The following SUPT20HL1 variants were observed in gnomAD, a reference collection of about 807,000 sequenced individuals.
The protein encoded by SUPT20HL1 is SUPT20H like 1.
For synonymous variants in SUPT20HL1, 133 were observed against 79.2 expected (o/e 1.68, Z -3.61); for missense variants, 277 against 200.3 (o/e 1.38, Z -2.31).
rs964096217 is a variant in SUPT20HL1 at position 24,364,658 on chromosome X, C to T, written c.1898C>T (p.Pro633Leu). The T allele has an allele frequency of 2.1e-6, 1 of 473,328 alleles. No homozygotes were observed. Among genetic ancestry groups the T allele is most frequent in the African/African-American group, 2.3e-5 (1 of 42,907 alleles). 39.0% of individuals were successfully genotyped at this position (473,328 alleles called of 1,213,427 possible). The change falls in exon 1 of 1, where the codon CCT (proline) becomes CTT (leucine). Residue 633 changes from proline (P) to leucine (L), a missense_variant. By Grantham distance (98) the Pro-to-Leu change is moderately conservative. Transcript: ENST00000686983. Reference sequence around the variant, plus strand: ...AGCAGTTTCAAGCCTGTGCAGGCCCCTGGCTCGGGTGCCCCCGCTCCTGCA... The same window carrying T: ...AGCAGTTTCAAGCCTGTGCAGGCCCTTGGCTCGGGTGCCCCCGCTCCTGCA... ...LGSSFKPVQAPGSGAPAPAGI... is the reference protein window; with the variant it reads ...LGSSFKPVQALGSGAPAPAGI...
At position 24,361,380 on chromosome X, in the gene SUPT20HL1, AG is replaced by A. The variant is rs1184253775; in HGVS notation, c.-1377del. 8.9e-6 allele frequency among the ~76,000 whole-genome samples: 1 copy of A among 112,035 alleles called. No homozygotes were observed. The highest frequency in any genetic ancestry group is 1.9e-5 in the Non-Finnish European group (1 of 53,218). ...TGCACCCTGGGATATCAGCGGAGGG[AG>A]GGGCAGAATTTAGATCACACTCATG... On this transcript the variant is annotated 5_prime_UTR_variant, in exon 1 of 1. An upstream open reading frame in the 5' UTR loses its in-frame stop. Transcript: ENST00000686983.
rs935856190 is a variant in SUPT20HL1, at chrX:24,364,385, C to T, written c.1625C>T (p.Ala542Val). Reference protein sequence around the residue: ...AAAAPALAAAAAPAPAPAAAP... With the variant: ...AAAAPALAAAVAPAPAPAAAP... Reference sequence around the variant, plus strand: ...GCTGCTCCTGCTCTAGCTGCTGCTGCTGCTCCTGCTCCTGCTCCTGCCGCT... The same window carrying T: ...GCTGCTCCTGCTCTAGCTGCTGCTGTTGCTCCTGCTCCTGCTCCTGCCGCT... Residue 542 changes from alanine (A) to valine (V), a missense_variant, in exon 1 of 1, where the codon GCT becomes GTT. By Grantham distance (64) the Ala-to-Val change is moderately conservative. Transcript: ENST00000686983. The T allele has an allele frequency of 6.8e-6, 4 of 591,790 alleles. No individual in the cohort carries two copies. Among genetic ancestry groups the T allele is most frequent in the Admixed American group, 2.7e-5 (1 of 36,543 alleles). 48.8% of individuals were successfully genotyped at this position (591,790 alleles called of 1,213,427 possible).
rs1188596466 is a variant in SUPT20HL1, at chrX:24,362,047, T to C, written c.-714T>C. Among the ~76,000 whole-genome samples the C allele has an allele frequency of 6.2e-5, 7 of 112,594 alleles. No homozygotes were observed. The highest frequency in any genetic ancestry group is 9.4e-5 in the Non-Finnish European group (5 of 53,295). On this transcript the variant is annotated 5_prime_UTR_variant, in exon 1 of 1. Coordinates refer to ENST00000686983, the MANE Select transcript of SUPT20HL1 (RefSeq NM_001136234.3). The stretch of plus-strand genomic sequence containing the variant: ...ACAATTGTTGAAGTTTCCACCAAGA[T>C]CAGTGACAACTTCCCATGATTTCCC...
rs1310576539 is a variant in SUPT20HL1, at chrX:24,367,697, A to G, written c.*2273A>G. 1.8e-5 allele frequency among the ~76,000 whole-genome samples: 2 copies of G among 112,217 alleles called. No homozygotes were observed. Among genetic ancestry groups the G allele is most frequent in the Non-Finnish European group, 3.8e-5 (2 of 53,234 alleles). Reference sequence around the variant, plus strand: ...TGCCAACTAGAGACCTGAACTCAGAATATCATCAGATTTGGTCTACTTCCT... The same window carrying G: ...TGCCAACTAGAGACCTGAACTCAGAGTATCATCAGATTTGGTCTACTTCCT... On this transcript the variant is annotated 3_prime_UTR_variant, in exon 1 of 1. Coordinates refer to ENST00000686983, the MANE Select transcript of SUPT20HL1 (RefSeq NM_001136234.3).
chrX:24,365,492 A>T lies in SUPT20HL1; in HGVS notation c.*68A>T. ...TGACTCAAATGATTTCCCAGTTTTT[A>T]CTTGAGTTTTGTTTTTTTTTTCATG... On this transcript the variant is annotated 3_prime_UTR_variant, in exon 1 of 1. Transcript: ENST00000686983. The T allele has an allele frequency of 3.2e-6, 1 of 317,363 alleles. No homozygotes were observed. The highest frequency in any genetic ancestry group is 3.1e-5 in the South Asian group (1 of 32,319). 26.2% of individuals were successfully genotyped at this position (317,363 alleles called of 1,213,427 possible). A position where few individuals can be genotyped will look rare whatever the true frequency, so the allele number is the denominator to read the frequency against.
At position 24,366,664 on chromosome X, in the gene SUPT20HL1, C is replaced by A. The variant is rs1299772841; in HGVS notation, c.*1240C>A. Among the ~76,000 whole-genome samples the A allele has an allele frequency of 1.0e-5, 1 of 98,838 alleles. No homozygotes were observed. Among genetic ancestry groups the A allele is most frequent in the Middle Eastern group, 4.4e-3 (1 of 225 alleles). The allele number at this position is 98,838 out of a possible 115,157, so 85.8% of individuals were successfully genotyped here. ...CTGTAGCCTTGTTTCTTAAGTAGAA[C>A]CCCCGTCTTTTTCTTTGTCTTTTTC... On this transcript the variant is annotated 3_prime_UTR_variant, in exon 1 of 1. Transcript: ENST00000686983.
rs1799533 is a variant in SUPT20HL1, at chrX:24,362,627, A to G, written c.-134A>G. Reference sequence around the variant, plus strand: ...TCCCTGGGGGCGGGTTTCTGGGCAGATGCCCACGTTGAACTCAGTGTGGAC... The same window carrying G: ...TCCCTGGGGGCGGGTTTCTGGGCAGGTGCCCACGTTGAACTCAGTGTGGAC... On this transcript the variant is annotated 5_prime_UTR_variant, in exon 1 of 1. An upstream start codon of the reference 5' UTR is lost. Coordinates refer to ENST00000686983, the MANE Select transcript of SUPT20HL1 (RefSeq NM_001136234.3). 104 of 370,099 alleles carry G rather than the reference A, an allele frequency of 2.8e-4. 1 individual carries two copies. The highest frequency in any genetic ancestry group is 2.1e-3 in the East Asian group (28 of 13,077). 30.5% of individuals were successfully genotyped at this position (370,099 alleles called of 1,213,427 possible). A position where few individuals can be genotyped will look rare whatever the true frequency, so the allele number is the denominator to read the frequency against.
chrX:24,365,367 A>G lies in SUPT20HL1; in HGVS notation c.2607A>G (p.Val869=), dbSNP rs369726215. The part of the protein sequence containing the change: ...QIVQPHPGVQ[V]GSQLVDQRKE... ...TGCAGCCACATCCAGGTGTGCAAGT[A>G]GGGAGCCAGTTGGTAGATCAGAGGA... The change falls in exon 1 of 1, where the codon GTA becomes GTG. Residue 869 remains valine, a synonymous_variant. Coordinates refer to ENST00000686983, the MANE Select transcript of SUPT20HL1 (RefSeq NM_001136234.3). The G allele has an allele frequency of 3.9e-5, 15 of 385,936 alleles. No homozygotes were observed. The highest frequency in any genetic ancestry group is 6.8e-5 in the Non-Finnish European group (13 of 192,469). The allele number at this position is 385,936 out of a possible 1,213,427, so 31.8% of individuals were successfully genotyped here. A position where few individuals can be genotyped will look rare whatever the true frequency, so the allele number is the denominator to read the frequency against.
chrX:24,364,745 C>T lies in SUPT20HL1; in HGVS notation c.1985C>T (p.Ala662Val). ...GGPLPDARPG[A>V]VQASSPAPLQ... is the part of the protein sequence containing the mutation. ...CCACTACCAGATGCAAGGCCCGGTG[C>T]AGTGCAGGCATCTTCTCCAGCACCC... The change falls in exon 1 of 1, where the codon GCA (alanine) becomes GTA (valine). Residue 662 changes from alanine to valine, a missense_variant. By Grantham distance (64) the Ala-to-Val change is moderately conservative (BLOSUM62 0). Transcript: ENST00000686983. The T allele has an allele frequency of 2.5e-6, 1 of 404,166 alleles. No individual in the cohort carries two copies. The allele number at this position is 404,166 out of a possible 1,213,427, so 33.3% of individuals were successfully genotyped here.
At position 24,360,758 on chromosome X, in the gene SUPT20HL1, T is replaced by C. The variant is rs972103419; in HGVS notation, c.-2003T>C. On this transcript the variant is annotated 5_prime_UTR_variant, in exon 1 of 1. Transcript: ENST00000686983. The stretch of plus-strand genomic sequence containing the variant: ...CCCAGATGTATTACATAGCACATTA[T>C]CTACATCGATAAGAATGAATGGCTG... Among the ~76,000 whole-genome samples the C allele has an allele frequency of 6.2e-5, 7 of 112,358 alleles. No individual in the cohort carries two copies. The highest frequency in any genetic ancestry group is 9.4e-5 in the Non-Finnish European group (5 of 53,283).
rs757834729 is a variant in SUPT20HL1, at chrX:24,367,213, G to A, written c.*1789G>A. Reference sequence around the variant, plus strand: ...TGTAGCAGATTTTGTACATTCATCCGATGATAGACAGTTGGTTTTTGTCTG... The same window carrying A: ...TGTAGCAGATTTTGTACATTCATCCAATGATAGACAGTTGGTTTTTGTCTG... On this transcript the variant is annotated 3_prime_UTR_variant, in exon 1 of 1. Coordinates refer to ENST00000686983, the MANE Select transcript of SUPT20HL1 (RefSeq NM_001136234.3). 8.9e-6 allele frequency among the ~76,000 whole-genome samples: 1 copy of A among 112,469 alleles called. No homozygotes were observed. Among genetic ancestry groups the A allele is most frequent in the East Asian group, 2.8e-4 (1 of 3,609 alleles).
In SUPT20HL1 at chrX:24,365,256, G is replaced by A. The variant is rs1441567375; in HGVS notation, c.2496G>A (p.Gln832=). 1 of 382,252 alleles carries A rather than the reference G, an allele frequency of 2.6e-6. No homozygotes were observed. Among genetic ancestry groups the A allele is most frequent in the Non-Finnish European group, 5.2e-6 (1 of 190,632 alleles). The allele number at this position is 382,252 out of a possible 1,213,427, so 31.5% of individuals were successfully genotyped here. A position where few individuals can be genotyped will look rare whatever the true frequency, so the allele number is the denominator to read the frequency against. Reference sequence around the variant, plus strand: ...AGACTCAGCAGTTGAGAGTCTTGCAGCAGCCGCAGCATATCCAGCTCCAGA... The same window carrying A: ...AGACTCAGCAGTTGAGAGTCTTGCAACAGCCGCAGCATATCCAGCTCCAGA... ...QLQTQQLRVL[Q]QPQHIQLQTQ... Residue 832 remains glutamine, a synonymous_variant, in exon 1 of 1, where the codon CAG becomes CAA. Coordinates refer to ENST00000686983, the MANE Select transcript of SUPT20HL1 (RefSeq NM_001136234.3).
rs756040399 is a variant in SUPT20HL1, at chrX:24,364,962, G to C, written c.2202G>C (p.Thr734=). 4 of 384,567 alleles carry C rather than the reference G, an allele frequency of 1.0e-5. No individual in the cohort carries two copies. Among genetic ancestry groups the C allele is most frequent in the African/African-American group, 2.6e-5 (1 of 39,213 alleles). 31.7% of individuals were successfully genotyped at this position (384,567 alleles called of 1,213,427 possible). A position where few individuals can be genotyped will look rare whatever the true frequency, so the allele number is the denominator to read the frequency against. Reference sequence around the variant, plus strand: ...AGGGTTCCGCACTAGGTTTGAGCACGCAAGGGCAGGCCTTCCCTGCTCAGC... The same window carrying C: ...AGGGTTCCGCACTAGGTTTGAGCACCCAAGGGCAGGCCTTCCCTGCTCAGC... ...GPQGSALGLS[T]QGQAFPAQQL... The change falls in exon 1 of 1, where the codon ACG becomes ACC. Residue 734 remains threonine (T), a synonymous_variant. Transcript: ENST00000686983.
chrX:24,361,481 CCAAA>C lies in SUPT20HL1; in HGVS notation c.-1274_-1271del, dbSNP rs1433159313. ...ATCTTGTCCAATAAAACAAACAAAA[CCAAA>C]CAAACTGGGAGATTTCAAGGCAACA... On this transcript the variant is annotated 5_prime_UTR_variant, in exon 1 of 1. Coordinates refer to ENST00000686983, the MANE Select transcript of SUPT20HL1 (RefSeq NM_001136234.3). Among the ~76,000 whole-genome samples the C allele has an allele frequency of 1.8e-5, 2 of 112,050 alleles. No homozygotes were observed. Among genetic ancestry groups the C allele is most frequent in the African/African-American group, 6.5e-5 (2 of 30,778 alleles).
At position 24,366,262 on chromosome X, in the gene SUPT20HL1, A is replaced by C. The variant is rs1939483982; in HGVS notation, c.*838A>C. On this transcript the variant is annotated 3_prime_UTR_variant, in exon 1 of 1. Transcript: ENST00000686983. ...ACCTCTTTCAGAAGAATTCTGAAAG[A>C]GTGTAATCGTATTTAGATTAATAGG... Among the ~76,000 whole-genome samples the C allele has an allele frequency of 8.9e-6, 1 of 112,294 alleles. No individual in the cohort carries two copies. The highest frequency in any genetic ancestry group is 1.9e-5 in the Non-Finnish European group (1 of 53,245).
rs1939429189 is a variant in SUPT20HL1 at position 24,361,871 on chromosome X, ACG to A, written c.-889_-888del. Among the ~76,000 whole-genome samples the A allele has an allele frequency of 8.9e-6, 1 of 112,112 alleles. No homozygotes were observed. The highest frequency in any genetic ancestry group is 3.2e-5 in the African/African-American group (1 of 30,845). On this transcript the variant is annotated 5_prime_UTR_variant, in exon 1 of 1. An upstream open reading frame in the 5' UTR loses its in-frame stop. Transcript: ENST00000686983. Reference sequence around the variant, plus strand: ...ACACCCCCAGGCGGGAGCTCACTCGACGACGACAGGAAGAATCCTGATGCTTG... The same window carrying A: ...ACACCCCCAGGCGGGAGCTCACTCGAACGACAGGAAGAATCCTGATGCTTG...
chrX:24,360,699 A>T lies in SUPT20HL1; in HGVS notation c.-2062A>T, dbSNP rs961214498. Among the ~76,000 whole-genome samples, 1 of 111,968 alleles carries T rather than the reference A, an allele frequency of 8.9e-6. No individual in the cohort carries two copies. The highest frequency in any genetic ancestry group is 3.3e-5 in the African/African-American group (1 of 30,725). ...AACCTTACATTAAATTGCCCATTTC[A>T]CTTGGATGGAATATAATTTCACTTC... On this transcript the variant is annotated 5_prime_UTR_variant, in exon 1 of 1. Coordinates refer to ENST00000686983, the MANE Select transcript of SUPT20HL1 (RefSeq NM_001136234.3).
At position 24,364,252 on chromosome X, in the gene SUPT20HL1, G is replaced by T; in HGVS notation, c.1492G>T (p.Ala498Ser). The change falls in exon 1 of 1, where the codon GCT becomes TCT. Residue 498 changes from alanine (A) to serine (S), a missense_variant. By Grantham distance (99) the Ala-to-Ser change is moderately conservative. Transcript: ENST00000686983. ...PLKRPFSAAA[A>S]IAAAAAAAAA... The stretch of plus-strand genomic sequence containing the variant: ...TAAGCGTCCATTTTCTGCTGCTGCT[G>T]CTATTGCTGCTGCTGCTGCTGCTGC... 1.1e-6 allele frequency: 1 copy of T among 949,917 alleles called. No homozygotes were observed. Among genetic ancestry groups the T allele is most frequent in the Non-Finnish European group, 1.5e-6 (1 of 684,038 alleles). 78.3% of individuals were successfully genotyped at this position (949,917 alleles called of 1,213,427 possible).
rs1017710764 is a variant in SUPT20HL1 at position 24,361,573 on chromosome X, T to C, written c.-1188T>C. Among the ~76,000 whole-genome samples, 3 of 112,204 alleles carry C rather than the reference T, an allele frequency of 2.7e-5. No homozygotes were observed. Among genetic ancestry groups the C allele is most frequent in the African/African-American group, 9.7e-5 (3 of 30,877 alleles). ...ACTGAATGATATTGCTGCAAATCCA[T>C]CTTTAGGATCTTAGCTAAGGTCTAC... On this transcript the variant is annotated 5_prime_UTR_variant, in exon 1 of 1. Transcript: ENST00000686983.
Sources: allele counts gnomAD v4.1 joint callset (sites outside exome capture counted in the v4.1 genomes callset), GRCh38; gene constraint gnomAD v4.1.1; transcripts MANE v1.5; gene names NCBI Gene and HGNC (gene_info 2026-07-23, HGNC 2026-07-21).